The following PCDHGA5 variants were observed in gnomAD, a reference collection of about 807,000 sequenced individuals.
PCDHGA5 encodes protocadherin gamma subfamily A, 5, also known as protocadherin gamma-A5.
Under a neutral mutation model 56.7 loss-of-function variants are expected in PCDHGA5, and 36 were observed. The ratio of observed to expected loss-of-function variants is 0.64; its 90% CI spans 0.49 to 0.84. PCDHGA5 has a LOEUF of 0.84. Among genes scored for constraint, PCDHGA5 ranks in the 40% least tolerant of loss-of-function variants. PCDHGA5 has a pLI of 0.00. For synonymous variants in PCDHGA5, 563 were observed against 520.2 expected (o/e 1.08, Z -1.12); for missense variants, 1,305 against 1,201.5 (o/e 1.09, Z -1.27).
intron 1 of PCDHGA5, chr5:141,478,393 G>A (rs2099452978): frequency 6.2e-7 from 1 of 1,613,488 alleles, no homozygotes; most frequent in South Asian, 1.1e-5. Flanking sequence ...TTTACCATCA[G>A]GTGTATCTCA....
intron 1 of PCDHGA5, among the ~76,000 whole-genome samples, chr5:141,482,944 G>A (rs1362136222): frequency 6.6e-6 from 1 of 152,094 alleles, no homozygotes; most frequent in Non-Finnish European, 1.5e-5. Context: ...GTGGTTGTGG[G>A]TGCCTGTAAT....
chr5:141,434,073 A>G (rs1372471160), intron 1 of PCDHGA5, among the ~76,000 whole-genome samples: 2 of 152,058 alleles, frequency 1.3e-5, no homozygotes, highest in African/African-American at 4.8e-5. Flanking sequence ...GTTAATATCA[A>G]TTATTTATTT....
intron 1 of PCDHGA5, among the ~76,000 whole-genome samples, chr5:141,474,588 A>G (rs2099351676): frequency 6.6e-6 from 1 of 152,258 alleles, no homozygotes; most frequent in Non-Finnish European, 1.5e-5. Context: ...TGTTAAAGAC[A>G]TGGAAATATA....
intron 1 of PCDHGA5, chr5:141,385,474 T>C (rs554098554): frequency 2.1e-6 from 3 of 1,436,644 alleles, no homozygotes; most frequent in African/African-American, 1.4e-5. Flanking sequence ...GGTGACACTT[T>C]AATATAGAAC....
intron 1 of PCDHGA5, chr5:141,423,540 C>T (rs961504938): frequency 6.2e-7 from 1 of 1,613,606 alleles, no homozygotes; most frequent in Non-Finnish European, 8.5e-7. Context: ...ACCTGATTTT[C>T]CCCCAGCCCA....
rs775247725 is a variant in PCDHGA5, at chr5:141,393,523, A to T, written c.2421+26772A>T. The T allele has an allele frequency of 2.0e-5, 33 of 1,613,900 alleles. No individual in the cohort carries two copies. Among genetic ancestry groups the T allele is most frequent in the Middle Eastern group, 1.6e-4 (1 of 6,084 alleles). ...CACGTGACAGTGTTGGATACAAATG[A>T]CAATGCCCCGGTTTTTCCTCACCCG... is the stretch of plus-strand genomic sequence containing the variant. On this transcript the variant is annotated intron_variant, in intron 1 of 3. Transcript: ENST00000518069.
At chr5:141,397,110 C>T (rs561188757) in intron 1 of PCDHGA5, among the ~76,000 whole-genome samples, 1 of 152,324 alleles carries the variant, frequency 6.6e-6, no homozygotes, top group African/African-American at 2.4e-5. Context: ...ATGCAATCCA[C>T]TAGAATATCC....
chr5:141,374,327 G>C (rs766746841), intron 1 of PCDHGA5: 24 of 1,613,984 alleles, frequency 1.5e-5, no homozygotes, highest in Non-Finnish European at 2.0e-5. Context: ...TCCGCGAAAC[G>C]GCAGCTTGGT....
chr5:141,366,108 C>A lies in PCDHGA5; in HGVS notation c.1778C>A (p.Ala593Glu), dbSNP rs1179892338. The change falls in exon 1 of 4, where the codon GCG (alanine) becomes GAG (glutamate). Residue 593 changes from alanine to glutamate, a missense_variant. By Grantham distance (107) the Ala-to-Glu change is moderately radical. Transcript: ENST00000518069. ...EPGYLVTKVV[A>E]VDKDSGQNAW... ...GGCTACCTGGTGACCAAGGTGGTAGCGGTGGACAAAGATTCAGGCCAGAAC... is the reference window on the plus strand; with the variant it reads ...GGCTACCTGGTGACCAAGGTGGTAGAGGTGGACAAAGATTCAGGCCAGAAC... The A allele has an allele frequency of 6.2e-7, 1 of 1,614,222 alleles. No individual in the cohort carries two copies. The highest frequency in any genetic ancestry group is 1.1e-5 in the South Asian group (1 of 91,088).
At chr5:141,482,089 C>CA (rs36035257) in intron 1 of PCDHGA5, among the ~76,000 whole-genome samples, 13,509 of 134,292 alleles carry the variant, frequency 0.1, 910 homozygotes, top group African/African-American at 0.2. Context: ...CACTCCATCT[C>CA]AAAAAAAAAA....
intron 2 of PCDHGA5, among the ~76,000 whole-genome samples, chr5:141,503,132 CCT>C (rs1388312522): frequency 6.6e-6 from 1 of 151,994 alleles, no homozygotes; most frequent in Non-Finnish European, 1.5e-5. Flanking sequence ...TCTGGTAGCC[CCT>C]GACACAGCCC....
chr5:141,432,991 C>T lies in PCDHGA5; in HGVS notation c.2422-61816C>T. ...CGGCGTCGCACTTTGTGGGCGTGGA[C>T]GGGGTGCAGGCTTTCCTGCAGACCT... is the stretch of plus-strand genomic sequence containing the variant. On this transcript the variant is annotated intron_variant, in intron 1 of 3. Coordinates refer to ENST00000518069, the MANE Select transcript of PCDHGA5 (RefSeq NM_018918.3). This position sits in a 1 kb window ranked among gnomAD's most constrained non-coding sequence, Gnocchi z 6.0. 6.2e-7 allele frequency: 1 copy of T among 1,614,200 alleles called. No individual in the cohort carries two copies. The highest frequency in any genetic ancestry group is 8.5e-7 in the Non-Finnish European group (1 of 1,180,030).
chr5:141,439,796 G>A (rs980000701), intron 1 of PCDHGA5: 1 of 152,318 alleles, frequency 6.6e-6, no homozygotes. Flanking sequence ...AATCCAAGAA[G>A]AGTTTGAAAA....
intron 1 of PCDHGA5, among the ~76,000 whole-genome samples, chr5:141,444,770 C>A (rs1382748105): frequency 2.6e-5 from 4 of 152,078 alleles, no homozygotes; most frequent in African/African-American, 9.7e-5. Context: ...TTTCTATATT[C>A]TTGATCATGT....
intron 2 of PCDHGA5, among the ~76,000 whole-genome samples, chr5:141,501,290 T>TAC (rs55762287): frequency 0.12 from 16,682 of 135,960 alleles, 995 homozygotes; most frequent in African/African-American, 0.18. Flanking sequence ...TATTCCCTTA[T>TAC]ACACACACAC....
Position 141,427,885 on chromosome 5 carries a change from ACCAGGGCTCGC to A in PCDHGA5, c.2421+61137_2421+61147del, listed in dbSNP as rs772694818. 4 of 1,565,134 alleles carry A rather than the reference ACCAGGGCTCGC, an allele frequency of 2.6e-6. No homozygotes were observed. In the East Asian group the frequency reaches 6.7e-5, roughly 26 times the overall value. ...TTCGAGCTCACGATGCAGGCCCACGACCAGGGCTCGCCCGCGCTCAGCGCCAACATGAGCCG... is the reference window on the plus strand; with the variant it reads ...TTCGAGCTCACGATGCAGGCCCACGACCGCGCTCAGCGCCAACATGAGCCG... On this transcript the variant is annotated intron_variant, in intron 1 of 3. Coordinates refer to ENST00000518069, the MANE Select transcript of PCDHGA5 (RefSeq NM_018918.3).
chr5:141,486,504 A>G lies in PCDHGA5; in HGVS notation c.2422-8303A>G. ...AGTACCCACAGAACTATTTTCCTCA[A>G]TATTTCAGATGTGAATGATAATCCA... On this transcript the variant is annotated intron_variant, in intron 1 of 3. Transcript: ENST00000518069. The surrounding 1 kb of genome is among the most constrained non-coding windows in gnomAD (Gnocchi z 5.0). 7.4e-6 allele frequency: 12 copies of G among 1,614,100 alleles called. No individual in the cohort carries two copies. Among genetic ancestry groups the G allele is most frequent in the Non-Finnish European group, 1.0e-5 (12 of 1,179,986 alleles).
Position 141,477,780 on chromosome 5 carries a change from T to C in PCDHGA5, c.2422-17027T>C. On this transcript the variant is annotated intron_variant, in intron 1 of 3. Coordinates refer to ENST00000518069, the MANE Select transcript of PCDHGA5 (RefSeq NM_018918.3). The surrounding 1 kb of genome is among the most constrained non-coding windows in gnomAD (Gnocchi z 4.9). ...CTAGCCACCAACATCAGCGTGAACA[T>C]ATTTGTCACTGATCGCAATGACAAT... 6.2e-7 allele frequency: 1 copy of C among 1,614,048 alleles called. No homozygotes were observed. Among genetic ancestry groups the C allele is most frequent in the Non-Finnish European group, 8.5e-7 (1 of 1,180,030 alleles).
At position 141,433,142 on chromosome 5, in the gene PCDHGA5, G is replaced by T. The variant is rs2097571106; in HGVS notation, c.2422-61665G>T. On this transcript the variant is annotated intron_variant, in intron 1 of 3. Coordinates refer to ENST00000518069, the MANE Select transcript of PCDHGA5 (RefSeq NM_018918.3). ...AAAAAGCGAGCCCCTTTTGCTGTCA[G>T]GTGATTCGGTATTTTCTAAAGACAG... The T allele has an allele frequency of 4.7e-5, 76 of 1,613,992 alleles. No homozygotes were observed. Among genetic ancestry groups the T allele is most frequent in the Non-Finnish European group, 6.4e-5 (76 of 1,180,016 alleles).
Sources: gnomAD v4.1 joint callset for allele counts (sites outside exome capture counted in the v4.1 genomes callset) on GRCh38, gnomAD v4.1.1 for gene constraint, Gnocchi (gnomAD v3.1) non-coding constraint, MANE v1.5 for transcripts, NCBI Gene and HGNC (gene_info 2026-07-23, HGNC 2026-07-21) for gene names.